The following PLCG2 variants were observed in gnomAD, a reference collection of about 807,000 sequenced individuals.
PLCG2 encodes the protein phospholipase C gamma 2.
PLCG2 carries 69 observed loss-of-function variants against 175.6 expected under a neutral mutation model. The ratio of observed to expected loss-of-function variants is 0.39; its 90% CI spans 0.32 to 0.48. The LOEUF is 0.48. Ranked by LOEUF, PLCG2 falls within the 20% of genes least tolerant of loss-of-function variation. The pLI is 0.91. For synonymous variants in PLCG2, 827 were observed against 624.0 expected (o/e 1.33, Z -4.85); for missense variants, 1,798 against 1,650.9 (o/e 1.09, Z -1.54).
chr16:81,829,451 C>G (rs887947335), intron 2 of PLCG2, among the ~76,000 whole-genome samples: 8 of 152,224 alleles, frequency 5.3e-5, no homozygotes, highest in African/African-American at 1.9e-4. Context: ...CTCCTAAGCT[C>G]AGGTGATCCA....
At chr16:81,841,361 T>G (rs1259022087) in intron 2 of PLCG2, among the ~76,000 whole-genome samples, 1 of 151,922 alleles carries the variant, frequency 6.6e-6, no homozygotes, top group Non-Finnish European at 1.5e-5. Context: ...GCCTCCTGAG[T>G]AGCTGGGATT....
intron 30 of PLCG2, among the ~76,000 whole-genome samples, chr16:81,944,291 G>T (rs559434357): frequency 2.0e-4 from 30 of 151,990 alleles, no homozygotes; most frequent in Non-Finnish European, 3.7e-4. Flanking sequence ...ACCAAGCTTG[G>T]GTTGAAAATA....
At chr16:81,907,797 TAGGG>T (rs953978949) in intron 16 of PLCG2, 23 bp downstream of exon 16, 1 of 1,577,790 alleles carries the variant, frequency 6.3e-7, no homozygotes, top group African/African-American at 1.3e-5. Context: ...CCTAGCCACA[TAGGG>T]AGGAGGTCCC....
chr16:81,853,580 G>A (rs779150781), intron 2 of PLCG2, among the ~76,000 whole-genome samples: 2 of 152,188 alleles, frequency 1.3e-5, no homozygotes, highest in African/African-American at 2.4e-5. Context: ...GTAGTTCACC[G>A]TAGGGTTTGC....
At chr16:81,940,433 G>T (rs1341623527) in intron 30 of PLCG2, among the ~76,000 whole-genome samples, 1 of 151,776 alleles carries the variant, frequency 6.6e-6, no homozygotes, top group African/African-American at 2.4e-5. Flanking sequence ...TGAGAGGGTG[G>T]CAAGGGAGAG....
chr16:81,889,780 G>T (rs1339728289), intron 10 of PLCG2, among the ~76,000 whole-genome samples: 3 of 151,942 alleles, frequency 2.0e-5, no homozygotes, highest in Admixed American at 2.0e-4. Context: ...TCAGCCTCCC[G>T]AGTAGCTGGG....
At chr16:81,938,961 TG>T in intron 29 of PLCG2, 46 bp downstream of exon 29, 1 of 1,106,690 alleles carries the variant, frequency 9.0e-7, no homozygotes, top group Admixed American at 1.8e-5. Flanking sequence ...GTCCGGCCAG[TG>T]AATCCTTTGT....
intron 31 of PLCG2, among the ~76,000 whole-genome samples, chr16:81,947,716 C>T (rs999339212): frequency 2.0e-5 from 3 of 152,210 alleles, no homozygotes; most frequent in Non-Finnish European, 4.4e-5. Flanking sequence ...TTACATGTCA[C>T]AATTACTTTA....
intron 2 of PLCG2, among the ~76,000 whole-genome samples, chr16:81,770,655 G>A (rs1446529572): frequency 1.3e-5 from 2 of 152,100 alleles, no homozygotes; most frequent in African/African-American, 4.8e-5. Context: ...AGAGGGCAGA[G>A]GTTGCAGTGA....
chr16:81,871,742 T>A (rs1207693447), intron 7 of PLCG2, among the ~76,000 whole-genome samples: 1 of 152,210 alleles, frequency 6.6e-6, no homozygotes, highest in East Asian at 1.9e-4. Flanking sequence ...GACAGTGGCA[T>A]CCTGGGGACT....
chr16:81,869,424 C>CA, intron 6 of PLCG2, 126 bp downstream of exon 6: 1 of 692,822 alleles, frequency 1.4e-6, no homozygotes, highest in East Asian at 2.5e-5. Flanking sequence ...CTCCAGAGTA[C>CA]ATCTTAGTTC....
chr16:81,937,962 C>G, intron 28 of PLCG2, 59 bp downstream of exon 28: 1 of 1,562,638 alleles, frequency 6.4e-7, no homozygotes, highest in African/African-American at 1.4e-5. Context: ...GGGGCTGGGC[C>G]GATGCTGTCT....
chr16:81,833,337 C>T (rs1271656047), intron 2 of PLCG2, among the ~76,000 whole-genome samples: 1 of 152,104 alleles, frequency 6.6e-6, no homozygotes, highest in Non-Finnish European at 1.5e-5. Context: ...TCTGTCCACA[C>T]CCCCAGGGTC....
At chr16:81,925,797 G>C (rs1216786605) in intron 22 of PLCG2, among the ~76,000 whole-genome samples, 2 of 151,808 alleles carry the variant, frequency 1.3e-5, no homozygotes, top group African/African-American at 4.8e-5. Context: ...TGAGGCAGGA[G>C]AATTGCTTGA....
At chr16:81,751,469 G>C (rs78745645) in intron 1 of PLCG2, among the ~76,000 whole-genome samples, 2,669 of 152,282 alleles carry the variant, frequency 0.018, 34 homozygotes, top group Middle Eastern at 0.034. Flanking sequence ...ACAGAGGCTC[G>C]AGGACGGGAA....
At chr16:81,884,287 G>T (rs987212748) in intron 9 of PLCG2, among the ~76,000 whole-genome samples, 1 of 151,998 alleles carries the variant, frequency 6.6e-6, no homozygotes, top group Non-Finnish European at 1.5e-5. Context: ...GGAGGTAGAG[G>T]TTGCAGTGAG....
intron 2 of PLCG2, chr16:81,767,700 A>G (rs965100110): frequency 1.3e-5 from 2 of 152,096 alleles, no homozygotes; most frequent in Non-Finnish European, 2.9e-5. Flanking sequence ...TCTCCAACAC[A>G]ATCAAAATAT....
chr16:81,798,431 A>C (rs1013773075), intron 2 of PLCG2: 3 of 152,242 alleles, frequency 2.0e-5, no homozygotes, highest in Non-Finnish European at 4.4e-5. Context: ...CTGAGCCTGG[A>C]TATAAAAGCA....
At chr16:81,744,078 T>C (rs1276896508) in intron 1 of PLCG2, among the ~76,000 whole-genome samples, 4 of 151,900 alleles carry the variant, frequency 2.6e-5, no homozygotes, top group Non-Finnish European at 4.4e-5. Context: ...CAGGATGGTC[T>C]CAAACTCCTG....
Sources: gnomAD v4.1 joint callset for allele counts (sites outside exome capture counted in the v4.1 genomes callset) on GRCh38, gnomAD v4.1.1 for gene constraint, MANE v1.5 for transcripts, NCBI Gene and HGNC (gene_info 2026-07-23, HGNC 2026-07-21) for gene names.